CENPF: variants seen among roughly 807,000 people sequenced by gnomAD.
The protein encoded by CENPF is centromere protein F.
In CENPF, 214 loss-of-function variants were observed where a neutral mutation model predicts 307.3. The observed-to-expected ratio is 0.70, with a 90% confidence interval of 0.62 to 0.78. CENPF has a LOEUF of 0.78. Among genes scored for constraint, CENPF ranks in the 30% least tolerant of loss-of-function variants. CENPF has a pLI of 0.00. For synonymous variants in CENPF, 1,259 were observed against 1,270.6 expected, an observed-to-expected ratio of 0.99 and a Z score of 0.19; for missense variants, 3,401 against 3,483.9, an observed-to-expected ratio of 0.98 and a Z score of 0.60.
Position 214,630,650 on chromosome 1 carries a change from T to A in CENPF, c.1311T>A (p.Ala437=). 1 of 1,614,112 alleles carries A rather than the reference T, an allele frequency of 6.2e-7. No individual in the cohort carries two copies. The change falls in exon 9 of 20, where the codon GCT becomes GCA. Residue 437 remains alanine, a synonymous_variant. Transcript: ENST00000366955. ...QAKNMHNVLQ[A]ELDKLTSVKQ... ...AGAATATGCACAACGTCCTGCAGGCTGAACTGGATAAAGTAGGGGCCGTGT... is the reference window on the plus strand; with the variant it reads ...AGAATATGCACAACGTCCTGCAGGCAGAACTGGATAAAGTAGGGGCCGTGT...
Position 214,632,501 on chromosome 1 carries a change from C to T in CENPF, c.1345C>T (p.Leu449=), listed in dbSNP as rs750306185. The change falls in exon 10 of 20, where the codon CTA becomes TTA. Residue 449 remains leucine, a synonymous_variant. Coordinates refer to ENST00000366955, the MANE Select transcript of CENPF (RefSeq NM_016343.4). ...LDKLTSVKQQ[L]ENNLEEFKQK... ...GTAGCTCACATCAGTAAAGCAACAG[C>T]TAGAAAACAATTTGGAAGAGTTTAA... The T allele has an allele frequency of 2.9e-5, 46 of 1,613,598 alleles. No individual in the cohort carries two copies. The highest frequency in any genetic ancestry group is 1.6e-4 in the Middle Eastern group (1 of 6,080).
At chr1:214,655,791 A>G (rs1002657296) in intron 17 of CENPF, among the ~76,000 whole-genome samples, 1 of 152,134 alleles carries the variant, frequency 6.6e-6, no homozygotes, top group Non-Finnish European at 1.5e-5. Context: ...AGGTTTTGCC[A>G]TGTTGCCCAG....
chr1:214,615,256 A>G (rs1657304774), intron 3 of CENPF: 1 of 309,346 alleles, frequency 3.2e-6, no homozygotes, highest in Non-Finnish European at 6.0e-6. Context: ...AAATTTATCA[A>G]ATGTTTGCTG....
Position 214,652,803 on chromosome 1 carries a change from G to T in CENPF, c.8161-25G>T, listed in dbSNP as rs200331854. ...GCCTCCTGGCTAAAGTAACATTTTG[G>T]TTTTTTTTGTTTGTTTTGCTCTAGT... On this transcript the variant is annotated intron_variant, in intron 15 of 19. Transcript: ENST00000366955. The T allele has an allele frequency of 1.3e-3, 2,014 of 1,532,000 alleles. No individual in the cohort carries two copies. The highest frequency in any genetic ancestry group is 1.6e-3 in the Non-Finnish European group (1,870 of 1,142,950). The allele number at this position is 1,532,000 out of a possible 1,614,324, so 94.9% of individuals were successfully genotyped here. A position where few individuals can be genotyped will look rare whatever the true frequency, so the allele number is the denominator to read the frequency against.
intron 8 of CENPF, among the ~76,000 whole-genome samples, 196 bp from the exon 9 acceptor site, chr1:214,630,338 G>A (rs1657771281): frequency 6.6e-6 from 1 of 152,148 alleles, no homozygotes; most frequent in Non-Finnish European, 1.5e-5. Flanking sequence ...CTTTCCCTCA[G>A]AGACCTGGAT....
chr1:214,613,930 T>C lies in CENPF; in HGVS notation c.162+14T>C. ...CAAAAACAGAAGGTACCCCTGAAGC[T>C]CTGGTATTTGTAGCTGTTCACTCAT... On this transcript the variant is annotated intron_variant, in intron 2 of 19. Transcript: ENST00000366955. 1.3e-6 allele frequency: 2 copies of C among 1,599,488 alleles called. No homozygotes were observed. The highest frequency in any genetic ancestry group is 2.2e-5 in the East Asian group (1 of 44,598).
chr1:214,652,914 A>G lies in CENPF; in HGVS notation c.8247A>G (p.Leu2749=), dbSNP rs746513685. The change falls in exon 16 of 20, where the codon TTA becomes TTG. Residue 2749 remains leucine (L), a synonymous_variant. Coordinates refer to ENST00000366955, the MANE Select transcript of CENPF (RefSeq NM_016343.4). ...LSSQKLEIDL[L]KSSKEELNNS... ...CACAGAAGCTGGAGATAGACCTTTT[A>G]AAGTCTAGTAAAGAAGAGCTCAATA... The G allele has an allele frequency of 1.9e-6, 3 of 1,608,038 alleles. No individual in the cohort carries two copies. The highest frequency in any genetic ancestry group is 2.2e-5 in the South Asian group (2 of 89,380).
Position 214,645,441 on chromosome 1 carries a change from A to G in CENPF, c.5871A>G (p.Thr1957=). ...TTGAAGAAGAACTCTCAGTGGTCAC[A>G]AGTGAGAGAAACCAGCTTCGTGGAG... ...VCLEEELSVV[T]SERNQLRGEL... The change falls in exon 13 of 20, where the codon ACA becomes ACG. Residue 1957 remains threonine (T), a synonymous_variant. Transcript: ENST00000366955. 6.2e-7 allele frequency: 1 copy of G among 1,614,042 alleles called. No homozygotes were observed.
Position 214,644,933 on chromosome 1 carries a change from A to G in CENPF, c.5363A>G (p.His1788Arg), listed in dbSNP as rs199853658. The change falls in exon 13 of 20, where the codon CAT becomes CGT. Residue 1788 changes from histidine to arginine, a missense_variant. Physicochemically the swap from His to Arg is conservative, Grantham distance 29 (BLOSUM62 0). Coordinates refer to ENST00000366955, the MANE Select transcript of CENPF (RefSeq NM_016343.4). Reference sequence around the variant, plus strand: ...TCAAATGAGAATTTGAGATTACTTCATGTGATAGAGGACCGTGACAGAAAA... The same window carrying G: ...TCAAATGAGAATTTGAGATTACTTCGTGTGATAGAGGACCGTGACAGAAAA... ...ETSNENLRLL[H>R]VIEDRDRKVE... The G allele has an allele frequency of 6.2e-7, 1 of 1,613,802 alleles. No individual in the cohort carries two copies. The highest frequency in any genetic ancestry group is 1.7e-5 in the Admixed American group (1 of 59,928).
Position 214,656,946 on chromosome 1 carries a change from T to A in CENPF, c.8499T>A (p.Asp2833Glu). 1 of 1,606,800 alleles carries A rather than the reference T, an allele frequency of 6.2e-7. No individual in the cohort carries two copies. ...TACTTTGGACAGGTACTGTTATGGA[T>A]ACCAAGGTCGATGAATTAACAACTG... ...QEKQKTGTVM[D>E]TKVDELTTEI... Residue 2833 changes from aspartate to glutamate, a missense_variant, in exon 18 of 20, where the codon GAT becomes GAA. Transcript: ENST00000366955.
At chr1:214,623,165 T>C (rs1427905704) in intron 7 of CENPF, among the ~76,000 whole-genome samples, 1 of 152,232 alleles carries the variant, frequency 6.6e-6, no homozygotes, top group Non-Finnish European at 1.5e-5. Flanking sequence ...GAGCAGAGAT[T>C]GTGCCACTGC....
Position 214,620,941 on chromosome 1 carries a change from A to G in CENPF, c.860A>G (p.Asn287Ser), listed in dbSNP as rs1657489212. The G allele has an allele frequency of 2.5e-6, 4 of 1,604,026 alleles. No homozygotes were observed. In the East Asian group the frequency reaches 8.9e-5, roughly 36 times the overall value. The change falls in exon 6 of 20, where the codon AAT becomes AGT. Residue 287 changes from asparagine to serine, a missense_variant. Asn to Ser is a conservative substitution (Grantham distance 46). Coordinates refer to ENST00000366955, the MANE Select transcript of CENPF (RefSeq NM_016343.4). ...PHLLDQLKAQ[N>S]QELRNKINEL... ...CTTTTGGATCAATTAAAAGCGCAGAATCAAGGTAACATTGAGCTAAGTTAA... is the reference window on the plus strand; with the variant it reads ...CTTTTGGATCAATTAAAAGCGCAGAGTCAAGGTAACATTGAGCTAAGTTAA...
chr1:214,650,478 T>A (rs1480357103), intron 14 of CENPF, among the ~76,000 whole-genome samples: 2 of 152,022 alleles, frequency 1.3e-5, no homozygotes, highest in Admixed American at 6.6e-5. Context: ...GGGCCTAGCC[T>A]GGAGGAACTC....
chr1:214,642,224 A>G lies in CENPF; in HGVS notation c.3886A>G (p.Thr1296Ala), dbSNP rs146083083. 105 of 1,614,064 alleles carry G rather than the reference A, an allele frequency of 6.5e-5. No individual in the cohort carries two copies. The African/African-American group carries it at 1.4e-3, about 21-fold the overall frequency. Residue 1296 changes from threonine (T) to alanine (A), a missense_variant, in exon 12 of 20, where the codon ACA (threonine) becomes GCA (alanine). Thr to Ala is a moderately conservative substitution (Grantham distance 58, BLOSUM62 0). Transcript: ENST00000366955. ...NAHLQCSLQT[T>A]MNKLNELEKI... is the part of the protein sequence containing the mutation. ...ACACCTTCAGTGCTCTCTGCAAACA[A>G]CAATGAACAAGCTGAATGAGCTAGA...
At chr1:214,620,440 A>G (rs574387872) in intron 5 of CENPF, among the ~76,000 whole-genome samples, 6 of 152,348 alleles carry the variant, frequency 3.9e-5, no homozygotes, top group South Asian at 4.1e-4. Context: ...ATGAGATGGT[A>G]GTAGCTTATT....
chr1:214,652,379 A>T (rs1192942933), intron 15 of CENPF, among the ~76,000 whole-genome samples: 1 of 151,546 alleles, frequency 6.6e-6, no homozygotes, highest in Non-Finnish European at 1.5e-5. Flanking sequence ...GGAGTAGAAT[A>T]ATAGGAGAGC....
Position 214,647,364 on chromosome 1 carries a change from A to G in CENPF, c.7794A>G (p.Glu2598=), listed in dbSNP as rs906988111. 7 of 1,610,126 alleles carry G rather than the reference A, an allele frequency of 4.3e-6. No homozygotes were observed. The highest frequency in any genetic ancestry group is 5.9e-6 in the Non-Finnish European group (7 of 1,177,614). The part of the protein sequence containing the change: ...SSYKNLENEL[E]LTKMDKMSFV... ...ACAAGAATCTAGAGAATGAGCTTGAATTGACAAAAATGGACAAAATGTCCT... is the reference window on the plus strand; with the variant it reads ...ACAAGAATCTAGAGAATGAGCTTGAGTTGACAAAAATGGACAAAATGTCCT... Residue 2598 remains glutamate (E), a synonymous_variant, in exon 13 of 20, where the codon GAA becomes GAG. Coordinates refer to ENST00000366955, the MANE Select transcript of CENPF (RefSeq NM_016343.4).
At chr1:214,639,824 T>C in intron 11 of CENPF, 97 bp from the exon 12 acceptor site, 1 of 637,916 alleles carries the variant, frequency 1.6e-6, no homozygotes, top group Non-Finnish European at 2.4e-6. Flanking sequence ...GTTGTTAGTT[T>C]GTTTGGATTT....
intron 1 of CENPF, chr1:214,608,559 G>A: frequency 6.2e-7 from 1 of 1,611,000 alleles, no homozygotes; most frequent in African/African-American, 1.3e-5. Context: ...GGTTGCGGCG[G>A]GCGCTCTTGG....
Sources: gnomAD v4.1 joint callset for allele counts (sites outside exome capture counted in the v4.1 genomes callset) on GRCh38, gnomAD v4.1.1 for gene constraint, MANE v1.5 for transcripts, NCBI Gene and HGNC (gene_info 2026-07-23, HGNC 2026-07-21) for gene names.